RASIP1: variants seen among roughly 807,000 people sequenced by gnomAD.
RASIP1 encodes ras-interacting protein 1.
In RASIP1, 20 loss-of-function variants were observed where a neutral mutation model predicts 85.3. That is an observed-to-expected ratio of 0.23 (90% CI 0.17 to 0.34). The LOEUF (loss-of-function observed/expected upper bound fraction) is 0.34. Ranked by LOEUF, RASIP1 falls within the 10% of genes least tolerant of loss-of-function variation. The pLI is 1.00. For synonymous variants in RASIP1, 617 were observed against 647.1 expected (o/e 0.95, Z 0.71); for missense variants, 1,170 against 1,390.9 (o/e 0.84, Z 2.53).
chr19:48,740,095 A>T lies in RASIP1; in HGVS notation c.137+51T>A. 6.6e-7 allele frequency: 1 copy of T among 1,519,432 alleles called. No homozygotes were observed. Among genetic ancestry groups the T allele is most frequent in the Non-Finnish European group, 8.8e-7 (1 of 1,138,370 alleles). 94.1% of individuals were successfully genotyped at this position (1,519,432 alleles called of 1,614,324 possible). A position where few individuals can be genotyped will look rare whatever the true frequency, so the allele number is the denominator to read the frequency against. ...CAGGGACTGGGCAGTGAACAGGGAC[A>T]GATGGGAAGCAGGTGTGCAGGGGCA... On this transcript the variant is annotated intron_variant, in intron 2 of 11. Coordinates refer to ENST00000222145, the MANE Select transcript of RASIP1 (RefSeq NM_017805.3). The surrounding 1 kb of genome is among the most constrained non-coding windows in gnomAD (Gnocchi z 5.5).
chr19:48,720,882 C>A lies in RASIP1; in HGVS notation c.2808G>T (p.Arg936Ser). The part of the protein sequence containing the change: ...TDDALHRELR[R>S]LRRLLWDLEQ... ...CAAGATCCCAGAGGAGGCGGCGGAG[C>A]CTACGGAGTTCACGGTGCAAGGCAT... is the stretch of plus-strand genomic sequence containing the variant. The change falls in exon 12 of 12, where the codon AGG (arginine) becomes AGT (serine). Residue 936 changes from arginine (R) to serine (S), a missense_variant. Physicochemically the swap from Arg to Ser is moderately radical, Grantham distance 110. Coordinates refer to ENST00000222145, the MANE Select transcript of RASIP1 (RefSeq NM_017805.3). 1.2e-6 allele frequency: 2 copies of A among 1,613,992 alleles called. No individual in the cohort carries two copies. Among genetic ancestry groups the A allele is most frequent in the Non-Finnish European group, 1.7e-6 (2 of 1,180,022 alleles).
At chr19:48,737,488 T>G (rs2033594009) in intron 3 of RASIP1, 1 of 985,284 alleles carries the variant, frequency 1.0e-6, no homozygotes, top group African/African-American at 1.7e-5. Flanking sequence ...TCTACAGTGA[T>G]ATCTTCCTTC....
rs576319068 is a variant in RASIP1 at position 48,730,313 on chromosome 19, G to A, written c.1180-723C>T. 6.6e-5 allele frequency among the ~76,000 whole-genome samples: 10 copies of A among 151,946 alleles called. 1 individual carries two copies. The highest frequency in any genetic ancestry group is 3.4e-3 in the Middle Eastern group (1 of 294). On this transcript the variant is annotated intron_variant, in intron 4 of 11. Coordinates refer to ENST00000222145, the MANE Select transcript of RASIP1 (RefSeq NM_017805.3). Reference sequence around the variant, plus strand: ...CCCGAGTAGTTGAGACTACAGGCGCGCACCATCACGCCCAGCTAATTTTTG... The same window carrying A: ...CCCGAGTAGTTGAGACTACAGGCGCACACCATCACGCCCAGCTAATTTTTG...
Position 48,739,215 on chromosome 19 carries a change from C to T in RASIP1, c.568G>A (p.Gly190Ser), listed in dbSNP as rs754992873. 4.1e-6 allele frequency: 6 copies of T among 1,481,206 alleles called. No homozygotes were observed. The highest frequency in any genetic ancestry group is 3.8e-5 in the South Asian group (3 of 78,810). The allele number at this position is 1,481,206 out of a possible 1,614,324, so 91.8% of individuals were successfully genotyped here. A position where few individuals can be genotyped will look rare whatever the true frequency, so the allele number is the denominator to read the frequency against. The change falls in exon 3 of 12, where the codon GGC (glycine) becomes AGC (serine). Residue 190 changes from glycine (G) to serine (S), a missense_variant. By Grantham distance (56) the Gly-to-Ser change is moderately conservative (BLOSUM62 0). Around this residue, in one of 4 missense-constraint regions of RASIP1, gnomAD observed 299 missense variants for 394.4 expected, o/e 0.76. Transcript: ENST00000222145. The surrounding 1 kb of genome is among the most constrained non-coding windows in gnomAD (Gnocchi z 9.2). ...LERYGLAGSPGGGPGESSCVD... is the reference protein window; with the variant it reads ...LERYGLAGSPSGGPGESSCVD... ...CAGCTGCTCTCGCCGGGGCCACCGC[C>T]GGGGCTGCCTGCTAGGCCGTAGCGC...
Position 48,729,158 on chromosome 19 carries a change from G to T in RASIP1, c.1612C>A (p.Leu538Met). 1 of 1,313,608 alleles carries T rather than the reference G, an allele frequency of 7.6e-7. No homozygotes were observed. The highest frequency in any genetic ancestry group is 1.6e-5 in the African/African-American group (1 of 63,438). 81.4% of individuals were successfully genotyped at this position (1,313,608 alleles called of 1,614,324 possible). Reference sequence around the variant, plus strand: ...CGCAGGACTGGCTCACGGCCGTCCAGGTAGGCGGCCAGTGCCTCGCCGCGC... The same window carrying T: ...CGCAGGACTGGCTCACGGCCGTCCATGTAGGCGGCCAGTGCCTCGCCGCGC... The part of the protein sequence containing the change: ...QERGEALAAY[L>M]DGREPVLRFR... The change falls in exon 5 of 12, where the codon CTG becomes ATG. Residue 538 changes from leucine to methionine, a missense_variant. By Grantham distance (15) the Leu-to-Met change is conservative. This residue lies in a region of RASIP1 where 426 missense variants were observed against 576.2 expected (regional missense o/e 0.74). Coordinates refer to ENST00000222145, the MANE Select transcript of RASIP1 (RefSeq NM_017805.3).
chr19:48,739,296 T>C lies in RASIP1; in HGVS notation c.487A>G (p.Ser163Gly). 7.0e-7 allele frequency: 1 copy of C among 1,427,258 alleles called. No homozygotes were observed. Among genetic ancestry groups the C allele is most frequent in the Non-Finnish European group, 9.1e-7 (1 of 1,097,304 alleles). The allele number at this position is 1,427,258 out of a possible 1,614,324, so 88.4% of individuals were successfully genotyped here. A position where few individuals can be genotyped will look rare whatever the true frequency, so the allele number is the denominator to read the frequency against. ...AGLASGANYK[S>G]VLATARSTAR... is the part of the protein sequence containing the mutation. Reference sequence around the variant, plus strand: ...GTGGAGCGCGCCGTGGCCAGCACGCTCTTGTAGTTGGCGCCCGATGCCAGT... The same window carrying C: ...GTGGAGCGCGCCGTGGCCAGCACGCCCTTGTAGTTGGCGCCCGATGCCAGT... The change falls in exon 3 of 12, where the codon AGC becomes GGC. Residue 163 changes from serine to glycine, a missense_variant. Ser to Gly is a moderately conservative substitution (Grantham distance 56). This residue lies in a region of RASIP1 where 299 missense variants were observed against 394.4 expected (regional missense o/e 0.76). Transcript: ENST00000222145. The surrounding 1 kb of genome is among the most constrained non-coding windows in gnomAD (Gnocchi z 9.2).
intron 5 of RASIP1, among the ~76,000 whole-genome samples, chr19:48,728,104 A>AC: frequency 6.6e-6 from 1 of 151,710 alleles, no homozygotes. Context: ...TCCAATTTTT[A>AC]CCCCCAAGAA....
intron 8 of RASIP1, among the ~76,000 whole-genome samples, chr19:48,726,019 C>T (rs1179675286): frequency 6.6e-6 from 1 of 152,136 alleles, no homozygotes; most frequent in Non-Finnish European, 1.5e-5. Flanking sequence ...CTCCGCCTCC[C>T]GGGTTCAAGC....
In RASIP1 at chr19:48,724,976, A is replaced by C. The variant is rs772054805; in HGVS notation, c.2128-16T>G. On this transcript the variant is annotated splice_polypyrimidine_tract_variant and intron_variant, in intron 8 of 11. Transcript: ENST00000222145. The surrounding 1 kb of genome is among the most constrained non-coding windows in gnomAD (Gnocchi z 4.6). ...AATAGAGAGTCTGAGAAAATAGAGA[A>C]GTGGAAACAAGTGATTGGACTACAA... is the stretch of plus-strand genomic sequence containing the variant. The C allele has an allele frequency of 5.6e-6, 9 of 1,605,612 alleles. No individual in the cohort carries two copies. In the South Asian group the frequency reaches 6.6e-5, roughly 12 times the overall value.
chr19:48,729,533 A>T lies in RASIP1; in HGVS notation c.1237T>A (p.Ser413Thr). 1 of 1,601,792 alleles carries T rather than the reference A, an allele frequency of 6.2e-7. No homozygotes were observed. The highest frequency in any genetic ancestry group is 8.5e-7 in the Non-Finnish European group (1 of 1,174,702). Residue 413 changes from serine (S) to threonine (T), a missense_variant, in exon 5 of 12, where the codon TCG becomes ACG. This residue lies in a region of RASIP1 where 301 missense variants were observed against 294.8 expected (regional missense o/e 1.02). Transcript: ENST00000222145. The stretch of plus-strand genomic sequence containing the variant: ...GCCGGGGACCCCCCGCGGCCAGACG[A>T]GTTCCCACCTCGCCCAAACACGTGC... ...EQHVFGRGGN[S>T]SGRGGSPAPY... is the part of the protein sequence containing the mutation.
chr19:48,738,869 G>A lies in RASIP1; in HGVS notation c.823+91C>T. ...CGCGGGCCCCGCCCCCAGCCAGCCC[G>A]CGAGTCCCACAAGCCCCGCCCAGGC... is the stretch of plus-strand genomic sequence containing the variant. On this transcript the variant is annotated intron_variant, in intron 3 of 11. Transcript: ENST00000222145. The surrounding 1 kb of genome is among the most constrained non-coding windows in gnomAD (Gnocchi z 4.0). 1.9e-6 allele frequency: 1 copy of A among 524,464 alleles called. No homozygotes were observed. The allele number at this position is 524,464 out of a possible 1,614,324, so 32.5% of individuals were successfully genotyped here.
chr19:48,739,099 C>T lies in RASIP1; in HGVS notation c.684G>A (p.Val228=). 1 of 1,317,522 alleles carries T rather than the reference C, an allele frequency of 7.6e-7. No individual in the cohort carries two copies. The highest frequency in any genetic ancestry group is 9.6e-7 in the Non-Finnish European group (1 of 1,038,722). 81.6% of individuals were successfully genotyped at this position (1,317,522 alleles called of 1,614,324 possible). A position where few individuals can be genotyped will look rare whatever the true frequency, so the allele number is the denominator to read the frequency against. The change falls in exon 3 of 12, where the codon GTG becomes GTA. Residue 228 remains valine, a synonymous_variant. Coordinates refer to ENST00000222145, the MANE Select transcript of RASIP1 (RefSeq NM_017805.3). The surrounding 1 kb of genome is among the most constrained non-coding windows in gnomAD (Gnocchi z 9.2). ...SGEWRAEHLR[V]LGDSERPLLV... is the part of the protein sequence containing the mutation. Reference sequence around the variant, plus strand: ...GCAGCGGGCGCTCGGAGTCGCCCAGCACGCGCAGGTGCTCCGCCCGCCACT... The same window carrying T: ...GCAGCGGGCGCTCGGAGTCGCCCAGTACGCGCAGGTGCTCCGCCCGCCACT...
intron 11 of RASIP1, 107 bp from the exon 12 acceptor site, chr19:48,721,104 A>C: frequency 1.8e-5 from 17 of 927,772 alleles, no homozygotes; most frequent in Non-Finnish European, 2.5e-5. Context: ...AAAACTACAA[A>C]CCCCAGCAAC....
chr19:48,733,762 G>A lies in RASIP1; in HGVS notation c.1179+1434C>T, dbSNP rs150220079. Among the ~76,000 whole-genome samples, 1,308 of 149,920 alleles carry A rather than the reference G, an allele frequency of 8.7e-3. 22 individuals carry two copies. The highest frequency in any genetic ancestry group is 0.03 in the African/African-American group (1,239 of 40,766). On this transcript the variant is annotated intron_variant, in intron 4 of 11. Coordinates refer to ENST00000222145, the MANE Select transcript of RASIP1 (RefSeq NM_017805.3). ...GCAGAGGTTGTAGTGAGCCAAGATCGCACCACTGCAGTCCGGCTGGGTGAC... is the reference window on the plus strand; with the variant it reads ...GCAGAGGTTGTAGTGAGCCAAGATCACACCACTGCAGTCCGGCTGGGTGAC...
rs1367778629 is a variant in RASIP1, at chr19:48,739,595, G to A, written c.188C>T (p.Pro63Leu). 1 of 1,480,264 alleles carries A rather than the reference G, an allele frequency of 6.8e-7. No homozygotes were observed. Among genetic ancestry groups the A allele is most frequent in the African/African-American group, 1.4e-5 (1 of 69,754 alleles). The allele number at this position is 1,480,264 out of a possible 1,614,324, so 91.7% of individuals were successfully genotyped here. ...GSRSSEPLPP[P>L]PPHVELRRVG... ...TCGCCGCAGCTCCACGTGCGGCGGG[G>A]GCGGAGGTAGCGGCTCGCTGCTGCG... is the stretch of plus-strand genomic sequence containing the variant. The change falls in exon 3 of 12, where the codon CCC (proline) becomes CTC (leucine). Residue 63 changes from proline (P) to leucine (L), a missense_variant. Pro to Leu is a moderately conservative substitution (Grantham distance 98). Transcript: ENST00000222145. This position sits in a 1 kb window ranked among gnomAD's most constrained non-coding sequence, Gnocchi z 9.2.
At position 48,740,214 on chromosome 19, in the gene RASIP1, C is replaced by T. The variant is rs1426942337; in HGVS notation, c.69G>A (p.Leu23=). ...GCTGCTTCCTGGGGGAATTGATCCA[C>T]AGGCCCACGGGGAGATGAAGCTTCC... ...RFGKLHLPVG[L]WINSPRKQLA... Residue 23 remains leucine, a synonymous_variant, in exon 2 of 12, where the codon CTG becomes CTA. Coordinates refer to ENST00000222145, the MANE Select transcript of RASIP1 (RefSeq NM_017805.3). This position sits in a 1 kb window ranked among gnomAD's most constrained non-coding sequence, Gnocchi z 5.5. 1 of 1,589,728 alleles carries T rather than the reference C, an allele frequency of 6.3e-7. No homozygotes were observed. Among genetic ancestry groups the T allele is most frequent in the Non-Finnish European group, 8.5e-7 (1 of 1,172,340 alleles).
rs1177934244 is a variant in RASIP1, at chr19:48,729,040, G to A, written c.1730C>T (p.Thr577Met). The change falls in exon 5 of 12, where the codon ACG becomes ATG. Residue 577 changes from threonine (T) to methionine (M), a missense_variant. By Grantham distance (81) the Thr-to-Met change is moderately conservative. This residue lies in a region of RASIP1 where 426 missense variants were observed against 576.2 expected (regional missense o/e 0.74). Coordinates refer to ENST00000222145, the MANE Select transcript of RASIP1 (RefSeq NM_017805.3). ...ATGCTGCACGCACAGCGCCAGCAGC[G>A]TGGCGGGCCCGAGGGGCGGCAGGTC... ...SGDLPPLGPA[T>M]LLALCVQHSA... 16 of 1,407,580 alleles carry A rather than the reference G, an allele frequency of 1.1e-5. No individual in the cohort carries two copies. The highest frequency in any genetic ancestry group is 3.0e-5 in the South Asian group (2 of 66,772). 87.2% of individuals were successfully genotyped at this position (1,407,580 alleles called of 1,614,324 possible). A position where few individuals can be genotyped will look rare whatever the true frequency, so the allele number is the denominator to read the frequency against.
chr19:48,736,231 C>T (rs774214490), intron 3 of RASIP1, among the ~76,000 whole-genome samples: 31 of 151,450 alleles, frequency 2.0e-4, no homozygotes, highest in East Asian at 4.0e-4. Flanking sequence ...TTGGCTAACA[C>T]GGTGAAACCC....
Position 48,723,444 on chromosome 19 carries a change from C to T in RASIP1, c.2544+893G>A, listed in dbSNP as rs542670829. ...GTGTGGTGGCGCGTGCCTGTTATCC[C>T]GGCTACTCAGGAGGCTGTGGCAGGA... is the stretch of plus-strand genomic sequence containing the variant. On this transcript the variant is annotated intron_variant, in intron 10 of 11. Transcript: ENST00000222145. 9.4e-4 allele frequency among the ~76,000 whole-genome samples: 142 copies of T among 151,796 alleles called. 1 individual carries two copies. Among genetic ancestry groups the T allele is most frequent in the South Asian group, 8.9e-3 (43 of 4,814 alleles).
Sources: gnomAD v4.1 joint callset for allele counts (sites outside exome capture counted in the v4.1 genomes callset) on GRCh38, gnomAD v4.1.1 for gene constraint, gnomAD v4.1.1 regional missense constraint, Gnocchi (gnomAD v3.1) non-coding constraint, MANE v1.5 for transcripts, NCBI Gene and HGNC (gene_info 2026-07-23, HGNC 2026-07-21) for gene names.